SLC13A4: variants seen among roughly 807,000 people sequenced by gnomAD.
The protein encoded by SLC13A4 is Na(+)/sulfate cotransporter SUT-1.
A neutral mutation model predicts 72.7 loss-of-function variants in SLC13A4; 28 were observed. The observed-to-expected ratio is 0.39, with a 90% CI of 0.29 to 0.53. The LOEUF is 0.53. Among genes scored for constraint, SLC13A4 ranks in the 20% least tolerant of loss-of-function variants. The pLI is 0.78. For missense variants in SLC13A4, 653 were observed against 788.0 expected (o/e 0.83, Z 2.05); for synonymous variants, 312 against 325.5 (o/e 0.96, Z 0.45).
At position 135,681,404 on chromosome 7, in the gene SLC13A4, G is replaced by T; in HGVS notation, c.*159C>A. 2 of 801,642 alleles carry T rather than the reference G, an allele frequency of 2.5e-6. No homozygotes were observed. The highest frequency in any genetic ancestry group is 2.6e-5 in the East Asian group (1 of 38,164). The allele number at this position is 801,642 out of a possible 1,614,324, so 49.7% of individuals were successfully genotyped here. ...TTGTGGTTGTTGGAGGATTCCTGCA[G>T]TTCACTTGAGGTGGCGGAATCTTCT... On this transcript the variant is annotated 3_prime_UTR_variant, in exon 16 of 16. Coordinates refer to ENST00000682651, the MANE Select transcript of SLC13A4 (RefSeq NM_001318192.2).
intron 1 of SLC13A4, 37 bp downstream of exon 1, chr7:135,727,361 A>C: frequency 1.3e-6 from 2 of 1,538,934 alleles, no homozygotes; most frequent in Non-Finnish European, 1.8e-6. Flanking sequence ...CCTCCCACTG[A>C]CTCCCAGACC....
At position 135,721,568 on chromosome 7, in the gene SLC13A4, GC is replaced by G. The variant is rs763724819; in HGVS notation, c.100-46del. ...GCCGTCATTCACAGGAATAGTCACTGCCACTGAGCGTCCGGATGCAACCCTG... is the reference window on the plus strand; with the variant it reads ...GCCGTCATTCACAGGAATAGTCACTGCACTGAGCGTCCGGATGCAACCCTG... On this transcript the variant is annotated intron_variant, in intron 1 of 15. Coordinates refer to ENST00000682651, the MANE Select transcript of SLC13A4 (RefSeq NM_001318192.2). The G allele has an allele frequency of 4.4e-6, 7 of 1,608,382 alleles. No individual in the cohort carries two copies. The African/African-American group carries it at 9.4e-5, about 21-fold the overall frequency.
At chr7:135,722,832 C>T (rs756686662) in intron 1 of SLC13A4, among the ~76,000 whole-genome samples, 1 of 152,040 alleles carries the variant, frequency 6.6e-6, no homozygotes, top group African/African-American at 2.4e-5. Flanking sequence ...TAAGGAGCTC[C>T]CTTCCCTGGG....
Position 135,681,613 on chromosome 7 carries a change from C to T in SLC13A4, c.1834G>A (p.Asp612Asn), listed in dbSNP as rs780647321. The T allele has an allele frequency of 1.9e-6, 3 of 1,614,100 alleles. No homozygotes were observed. The highest frequency in any genetic ancestry group is 1.3e-5 in the African/African-American group (1 of 75,032). The change falls in exon 16 of 16, where the codon GAC (aspartate) becomes AAC (asparagine). Residue 612 changes from aspartate (D) to asparagine (N), a missense_variant. Asp to Asn is a conservative substitution (Grantham distance 23, BLOSUM62 1). Coordinates refer to ENST00000682651, the MANE Select transcript of SLC13A4 (RefSeq NM_001318192.2). ...ACCCTCGCCCATGCTGGGTAAGTGT[C>T]CAGGTGGAAGAGGCTAACTCCCCAG... ...NTWGVSLFHL[D>N]TYPAWARVSN...
chr7:135,685,552 G>C lies in SLC13A4; in HGVS notation c.1578C>G (p.Ile526Met). ...TGCACAGGATGGGCAGGAAGATGGT[G>C]ATGGTTGCTGGGTTGCTCACAAACT... Reference protein sequence around the residue: ...VTEFVSNPATITIFLPILCSL... With the variant: ...VTEFVSNPATMTIFLPILCSL... Residue 526 changes from isoleucine (I) to methionine (M), a missense_variant, in exon 14 of 16, where the codon ATC (isoleucine) becomes ATG (methionine). Ile to Met is a conservative substitution (Grantham distance 10, BLOSUM62 1). Transcript: ENST00000682651. 1 of 1,614,210 alleles carries C rather than the reference G, an allele frequency of 6.2e-7. No homozygotes were observed. The highest frequency in any genetic ancestry group is 8.5e-7 in the Non-Finnish European group (1 of 1,180,032).
At position 135,692,384 on chromosome 7, in the gene SLC13A4, T is replaced by C; in HGVS notation, c.1162A>G (p.Thr388Ala). 6.2e-7 allele frequency: 1 copy of C among 1,613,706 alleles called. No individual in the cohort carries two copies. Among genetic ancestry groups the C allele is most frequent in the East Asian group, 2.2e-5 (1 of 44,882 alleles). ...MVTGFFFILM[T>A]VLWFTREPGF... ...GGCTCCCGGGTAAACCACAGTACGG[T>C]CATCAGGATGAAGAAAAATCCAGTC... is the stretch of plus-strand genomic sequence containing the variant. Residue 388 changes from threonine to alanine, a missense_variant, in exon 11 of 16, where the codon ACC becomes GCC. Coordinates refer to ENST00000682651, the MANE Select transcript of SLC13A4 (RefSeq NM_001318192.2).
chr7:135,723,264 C>T (rs1453339095), intron 1 of SLC13A4, among the ~76,000 whole-genome samples: 1 of 152,152 alleles, frequency 6.6e-6, no homozygotes, highest in African/African-American at 2.4e-5. Flanking sequence ...TGGACATTCA[C>T]CAGCATTTTC....
intron 2 of SLC13A4, among the ~76,000 whole-genome samples, chr7:135,710,299 A>G (rs1030973208): frequency 2.6e-4 from 39 of 152,274 alleles, no homozygotes; most frequent in African/African-American, 9.1e-4. Flanking sequence ...GAAGTGGGGG[A>G]TGTAAAAGAA....
At chr7:135,698,334 C>CT (rs10563133) in intron 8 of SLC13A4, among the ~76,000 whole-genome samples, 13,083 of 104,290 alleles carry the variant, frequency 0.13, 859 homozygotes, top group Non-Finnish European at 0.15. Flanking sequence ...TGCTGGGACT[C>CT]TTTTTTTTTT....
intron 2 of SLC13A4, among the ~76,000 whole-genome samples, chr7:135,717,877 C>G (rs1247413927): frequency 1.3e-5 from 2 of 152,070 alleles, no homozygotes; most frequent in Non-Finnish European, 2.9e-5. Context: ...CCTCCTTTTT[C>G]CAGTCTCACC....
In SLC13A4 at chr7:135,719,240, C is replaced by T. The variant is rs148418825; in HGVS notation, c.228+2155G>A. 4.9e-3 allele frequency among the ~76,000 whole-genome samples: 741 copies of T among 152,296 alleles called. 4 individuals carry two copies. The highest frequency in any genetic ancestry group is 0.017 in the African/African-American group (713 of 41,552). ...TGGCCTTCCTCTCTGGACAAAGGGG[C>T]GTCCCTCGGATAACTGTTGCCTGGC... On this transcript the variant is annotated intron_variant, in intron 2 of 15. Transcript: ENST00000682651.
At chr7:135,717,531 T>A (rs536935166) in intron 2 of SLC13A4, among the ~76,000 whole-genome samples, 70 of 152,316 alleles carry the variant, frequency 4.6e-4, no homozygotes, top group African/African-American at 1.5e-3. Context: ...GTTTATACTT[T>A]CTCTCTACTA....
chr7:135,708,495 A>ACT (rs1256405967), intron 2 of SLC13A4, among the ~76,000 whole-genome samples: 2 of 152,178 alleles, frequency 1.3e-5, no homozygotes, highest in African/African-American at 4.8e-5. Context: ...CTGGCCCATA[A>ACT]CTCTATAGGA....
intron 2 of SLC13A4, among the ~76,000 whole-genome samples, chr7:135,719,956 G>GGA (rs10700387): frequency 0.011 from 1,535 of 135,940 alleles, 32 homozygotes; most frequent in African/African-American, 0.039. Context: ...GGAGTTGGGG[G>GGA]GAGAGAGAGA....
rs776360968 is a variant in SLC13A4, at chr7:135,699,503, T to C, written c.760A>G (p.Asn254Asp). Reference protein sequence around the residue: ...LTPSPRKQKLNRKYRSHHDQM... With the variant: ...LTPSPRKQKLDRKYRSHHDQM... ...TCATGGTGGGACCTGTACTTTCTGTTCAGCTTCTGCTTCCTGGGGCTGGGG... is the reference window on the plus strand; with the variant it reads ...TCATGGTGGGACCTGTACTTTCTGTCCAGCTTCTGCTTCCTGGGGCTGGGG... The change falls in exon 8 of 16, where the codon AAC becomes GAC. Residue 254 changes from asparagine to aspartate, a missense_variant. Coordinates refer to ENST00000682651, the MANE Select transcript of SLC13A4 (RefSeq NM_001318192.2). 1 of 1,611,802 alleles carries C rather than the reference T, an allele frequency of 6.2e-7. No individual in the cohort carries two copies. The highest frequency in any genetic ancestry group is 2.2e-5 in the East Asian group (1 of 44,808).
At chr7:135,724,332 TAAAAATACA>T (rs539901893) in intron 1 of SLC13A4, among the ~76,000 whole-genome samples, 34 of 151,964 alleles carry the variant, frequency 2.2e-4, no homozygotes, top group African/African-American at 8.2e-4. Context: ...CTGTCTCTAT[TAAAAATACA>T]AAAAATTCAT....
chr7:135,709,223 AC>A (rs2129494915), intron 2 of SLC13A4, among the ~76,000 whole-genome samples: 2 of 151,584 alleles, frequency 1.3e-5, no homozygotes, highest in South Asian at 4.2e-4. Context: ...GAGCCAGCGC[AC>A]CCGGCCTTAA....
rs1340184396 is a variant in SLC13A4, at chr7:135,700,410, A to G, written c.715-862T>C. ...GAAAGTCCTGGTGCAATTGTCAGCA[A>G]GTCAGGTCATGAAAGAACCAATGGG... On this transcript the variant is annotated intron_variant, in intron 7 of 15. Coordinates refer to ENST00000682651, the MANE Select transcript of SLC13A4 (RefSeq NM_001318192.2). Among the ~76,000 whole-genome samples the G allele has an allele frequency of 2.6e-5, 4 of 152,148 alleles. No homozygotes were observed. In the East Asian group the frequency reaches 5.8e-4, roughly 22 times the overall value.
At chr7:135,701,628 A>G in intron 7 of SLC13A4, 52 bp downstream of exon 7, 1 of 1,564,076 alleles carries the variant, frequency 6.4e-7, no homozygotes, top group Non-Finnish European at 8.8e-7. Flanking sequence ...CTTGGGAAGC[A>G]GTTCACAGCG....
Sources: allele counts gnomAD v4.1 joint callset (sites outside exome capture counted in the v4.1 genomes callset), GRCh38; gene constraint gnomAD v4.1.1; transcripts MANE v1.5; gene names NCBI Gene and HGNC (gene_info 2026-07-23, HGNC 2026-07-21).